Variants in LRP1B observed in about 807,000 individuals in gnomAD.
LRP1B encodes LDL receptor related protein 1B, also known as low-density lipoprotein receptor-related protein 1B.
Under a neutral mutation model 556.6 loss-of-function variants are expected in LRP1B, and 217 were observed. The observed-to-expected ratio is 0.39, with a 90% CI of 0.35 to 0.44. LRP1B has a LOEUF of 0.44. LRP1B is among the 20% of genes least tolerant of loss of function. The pLI, the probability that LRP1B is intolerant of heterozygous loss-of-function variation, is 1.00. For synonymous variants in LRP1B, 2,047 were observed against 1,865.8 expected, an observed-to-expected ratio of 1.10 and a Z score of -2.50; for missense variants, 5,053 against 5,620.8, an observed-to-expected ratio of 0.90 and a Z score of 3.23.
intron 7 of LRP1B, among the ~76,000 whole-genome samples, chr2:141,132,985 A>T (rs185904074): frequency 1.7e-4 from 26 of 152,166 alleles, no homozygotes; most frequent in Admixed American, 1.5e-3. Flanking sequence ...GTTTTAAGAG[A>T]TGAAAAGTAC....
chr2:141,498,133 A>G (rs1683580333), intron 2 of LRP1B, among the ~76,000 whole-genome samples: 1 of 152,094 alleles, frequency 6.6e-6, no homozygotes, highest in Non-Finnish European at 1.5e-5. Context: ...TATAAAGTAT[A>G]GAAAACTAAT....
At chr2:141,365,655 C>CTTTTTTTTTTTTTTTGT (rs1334896367) in intron 3 of LRP1B, among the ~76,000 whole-genome samples, 25 of 121,132 alleles carry the variant, frequency 2.1e-4, no homozygotes, top group African/African-American at 5.4e-4. Flanking sequence ...GTTTTTGTTG[C>CTTTTTTTTTTTTTTTGT]TTTTTTTTTT....
intron 89 of LRP1B, among the ~76,000 whole-genome samples, chr2:140,235,925 T>TA (rs1680678051): frequency 6.6e-6 from 1 of 150,990 alleles, no homozygotes; most frequent in Non-Finnish European, 1.5e-5. Flanking sequence ...AGAACTCTAT[T>TA]ATTTGTCTTT....
At chr2:140,413,717 G>A (rs768687381) in intron 66 of LRP1B, among the ~76,000 whole-genome samples, 5 of 152,000 alleles carry the variant, frequency 3.3e-5, no homozygotes, top group Admixed American at 6.6e-5. Flanking sequence ...TTTATTCCAC[G>A]ATAAGCAAAA....
At chr2:140,878,631 TAGAA>T (rs1430034670) in intron 25 of LRP1B, among the ~76,000 whole-genome samples, 2 of 152,026 alleles carry the variant, frequency 1.3e-5, no homozygotes, top group Non-Finnish European at 2.9e-5. Flanking sequence ...AATATTTAAA[TAGAA>T]AGAACACGAA....
chr2:140,689,786 A>G (rs1231895708), intron 41 of LRP1B, among the ~76,000 whole-genome samples: 1 of 152,164 alleles, frequency 6.6e-6, no homozygotes, highest in East Asian at 1.9e-4. Context: ...ACAGGTTTCT[A>G]GTAAAGTTCA....
intron 20 of LRP1B, among the ~76,000 whole-genome samples, chr2:140,926,557 G>A (rs527354087): frequency 5.8e-4 from 88 of 152,072 alleles, no homozygotes; most frequent in South Asian, 6.2e-4. Flanking sequence ...TGCCTAGACT[G>A]GTCTTGAACT....
intron 3 of LRP1B, among the ~76,000 whole-genome samples, chr2:141,388,721 C>G (rs186919996): frequency 1.3e-5 from 2 of 152,120 alleles, no homozygotes; most frequent in East Asian, 3.9e-4. Flanking sequence ...GCATAACTAT[C>G]TCTATTATCA....
chr2:140,728,316 G>T (rs1227172555), intron 35 of LRP1B, among the ~76,000 whole-genome samples: 1 of 152,126 alleles, frequency 6.6e-6, no homozygotes, highest in Non-Finnish European at 1.5e-5. Flanking sequence ...CCCTATTGTG[G>T]CTAATTTTGA....
At chr2:141,199,597 C>G (rs1681911346) in intron 6 of LRP1B, among the ~76,000 whole-genome samples, 1 of 152,074 alleles carries the variant, frequency 6.6e-6, no homozygotes, top group African/African-American at 2.4e-5. Flanking sequence ...GCAGAGAAAG[C>G]TCCTTAAGTC....
chr2:141,151,226 G>T (rs1306294247), intron 7 of LRP1B, among the ~76,000 whole-genome samples: 5 of 152,078 alleles, frequency 3.3e-5, no homozygotes, highest in African/African-American at 1.2e-4. Flanking sequence ...TGGATGTTCT[G>T]TTTCAATGCA....
intron 7 of LRP1B, among the ~76,000 whole-genome samples, chr2:141,102,280 A>G (rs1359694643): frequency 6.6e-6 from 1 of 152,112 alleles, no homozygotes; most frequent in Admixed American, 6.6e-5. Context: ...CCATAGAGCA[A>G]CACAGGCGAT....
At chr2:141,152,394 A>G (rs75754875) in intron 7 of LRP1B, among the ~76,000 whole-genome samples, 3,241 of 152,122 alleles carry the variant, frequency 0.021, 47 homozygotes, top group East Asian at 0.063. Flanking sequence ...TAAGTAATGT[A>G]TCTGGAAATA....
intron 2 of LRP1B, among the ~76,000 whole-genome samples, chr2:141,642,620 T>C (rs1689377867): frequency 6.6e-6 from 1 of 152,034 alleles, no homozygotes. Flanking sequence ...CTATTTATTA[T>C]AGAAAGGAGA....
intron 3 of LRP1B, among the ~76,000 whole-genome samples, chr2:141,327,163 C>A (rs77277117): frequency 6.6e-6 from 1 of 152,166 alleles, no homozygotes; most frequent in Non-Finnish European, 1.5e-5. Context: ...AAGCAGGCAA[C>A]ACAGGGAAGA....
chr2:141,031,202 A>G (rs902399498), intron 11 of LRP1B, among the ~76,000 whole-genome samples: 3 of 151,456 alleles, frequency 2.0e-5, no homozygotes, highest in Non-Finnish European at 4.4e-5. Flanking sequence ...GGAGTGTGTA[A>G]AAATCATGAT....
intron 1 of LRP1B, among the ~76,000 whole-genome samples, chr2:142,015,294 T>C (rs940937214): frequency 6.6e-6 from 1 of 152,154 alleles, no homozygotes; most frequent in African/African-American, 2.4e-5. Context: ...ATTTAATAAA[T>C]GGGGTTGGGA....
In LRP1B at chr2:140,234,783, C is replaced by T. The variant is rs1680622480; in HGVS notation, c.13659+3G>A. ...CATGAAATAACGAATATTCTTCTCT[C>T]ACCCCAGCAGTTAGTGGTCCTTTCA... On this transcript the variant is annotated splice_donor_region_variant and intron_variant, in intron 90 of 90. Transcript: ENST00000389484. The T allele has an allele frequency of 1.3e-6, 1 of 772,702 alleles. No homozygotes were observed. The highest frequency in any genetic ancestry group is 1.4e-5 in the South Asian group (1 of 73,984). 47.9% of individuals were successfully genotyped at this position (772,702 alleles called of 1,614,324 possible). A position where few individuals can be genotyped will look rare whatever the true frequency, so the allele number is the denominator to read the frequency against.
chr2:141,600,704 T>G (rs1209828741), intron 2 of LRP1B, among the ~76,000 whole-genome samples: 1 of 152,146 alleles, frequency 6.6e-6, no homozygotes, highest in African/African-American at 2.4e-5. Flanking sequence ...ATTTCTTTAT[T>G]CATTGGATTC....
Sources: gnomAD v4.1 joint callset for allele counts (sites outside exome capture counted in the v4.1 genomes callset) on GRCh38, gnomAD v4.1.1 for gene constraint, MANE v1.5 for transcripts, NCBI Gene and HGNC (gene_info 2026-07-23, HGNC 2026-07-21) for gene names.